The following RNF157 variants were observed in gnomAD, a reference collection of about 807,000 sequenced individuals.
The protein encoded by RNF157 is E3 ubiquitin ligase RNF157.
A neutral mutation model predicts 88.3 loss-of-function variants in RNF157; 55 were observed. The ratio of observed to expected loss-of-function variants is 0.62; its 90% CI spans 0.50 to 0.78. The LOEUF is 0.78. Ranked by LOEUF, RNF157 falls within the 30% of genes least tolerant of loss-of-function variation. The probability of loss-of-function intolerance (pLI) is 0.00; values close to 1 mark genes in which losing one functional copy is unlikely to be tolerated. For synonymous variants in RNF157, 334 were observed against 341.2 expected, an observed-to-expected ratio of 0.98 and a Z score of 0.23; for missense variants, 788 against 860.8, an observed-to-expected ratio of 0.92 and a Z score of 1.06.
intron 2 of RNF157, among the ~76,000 whole-genome samples, chr17:76,178,958 G>A (rs1054386068): frequency 6.6e-6 from 1 of 152,126 alleles, no homozygotes; most frequent in Non-Finnish European, 1.5e-5. Flanking sequence ...AAGGATTAAA[G>A]TGCTGGTTAT....
In RNF157 at chr17:76,146,307, G is replaced by A. The variant is rs917210424; in HGVS notation, c.1922-954C>T. On this transcript the variant is annotated intron_variant, in intron 18 of 18. Transcript: ENST00000269391. This position sits in a 1 kb window ranked among gnomAD's most constrained non-coding sequence, Gnocchi z 4.2. ...TGCGTACTGACCTCACGGGCTTGCT[G>A]TGAGGACTAGATGAGAGAATGCGAG... The A allele has an allele frequency of 1.0e-6, 1 of 980,946 alleles. No individual in the cohort carries two copies. The highest frequency in any genetic ancestry group is 4.7e-5 in the South Asian group (1 of 21,194). The allele number at this position is 980,946 out of a possible 1,614,324, so 60.8% of individuals were successfully genotyped here.
intron 2 of RNF157, among the ~76,000 whole-genome samples, chr17:76,187,473 G>A (rs1403409252): frequency 2.0e-5 from 3 of 152,000 alleles, no homozygotes; most frequent in East Asian, 1.9e-4. Context: ...CATGAGCCAC[G>A]GCGTCTGGCC....
intron 18 of RNF157, chr17:76,147,400 A>ACCGCCG (rs1429886573): frequency 1.1e-6 from 1 of 903,242 alleles, no homozygotes; most frequent in Non-Finnish European, 1.3e-6. Context: ...CACCACCACC[A>ACCGCCG]CCGCCGCCGC....
intron 1 of RNF157, among the ~76,000 whole-genome samples, chr17:76,231,067 T>G (rs1230609665): frequency 6.6e-6 from 1 of 151,742 alleles, no homozygotes; most frequent in African/African-American, 2.4e-5. Flanking sequence ...GCCTTCTGAG[T>G]AGCTGGGACT....
Position 76,145,211 on chromosome 17 carries a change from G to T in RNF157, c.*24C>A. On this transcript the variant is annotated 3_prime_UTR_variant, in exon 19 of 19. Coordinates refer to ENST00000269391, the MANE Select transcript of RNF157 (RefSeq NM_052916.3). Reference sequence around the variant, plus strand: ...ATGGATGGAATGCAGGGCAGGAGGGGAGCCCAAGTGCAGAGGCTGGGGCTC... The same window carrying T: ...ATGGATGGAATGCAGGGCAGGAGGGTAGCCCAAGTGCAGAGGCTGGGGCTC... 6.7e-7 allele frequency: 1 copy of T among 1,482,790 alleles called. No homozygotes were observed. Among genetic ancestry groups the T allele is most frequent in the Non-Finnish European group, 9.4e-7 (1 of 1,067,062 alleles). 91.9% of individuals were successfully genotyped at this position (1,482,790 alleles called of 1,614,324 possible). A position where few individuals can be genotyped will look rare whatever the true frequency, so the allele number is the denominator to read the frequency against.
At chr17:76,152,006 T>C (rs1211771015) in intron 18 of RNF157, among the ~76,000 whole-genome samples, 3 of 152,172 alleles carry the variant, frequency 2.0e-5, no homozygotes, top group Non-Finnish European at 4.4e-5. Flanking sequence ...AGAGAGGTGG[T>C]GTCTGTCTGC....
At chr17:76,154,381 T>C (rs2068729245) in intron 16 of RNF157, 53 bp from the exon 17 acceptor site, 3 of 1,201,238 alleles carry the variant, frequency 2.5e-6, no homozygotes, top group Non-Finnish European at 3.7e-6. Flanking sequence ...ATGAGTAAAC[T>C]GATTGGCTGA....
At chr17:76,186,909 C>T (rs1461208972) in intron 2 of RNF157, among the ~76,000 whole-genome samples, 1 of 151,554 alleles carries the variant, frequency 6.6e-6, no homozygotes, top group African/African-American at 2.4e-5. Context: ...CACTGTACTC[C>T]AGCCTGGGTG....
intron 3 of RNF157, among the ~76,000 whole-genome samples, chr17:76,168,105 TC>T (rs1346196481): frequency 6.6e-6 from 1 of 152,200 alleles, no homozygotes; most frequent in African/African-American, 2.4e-5. Context: ...CCTTACTTCT[TC>T]CCTTTCCTCG....
chr17:76,161,016 A>G lies in RNF157; in HGVS notation c.1065+519T>C. 6.6e-6 allele frequency among the ~76,000 whole-genome samples: 1 copy of G among 152,178 alleles called. No individual in the cohort carries two copies. The highest frequency in any genetic ancestry group is 6.5e-5 in the Admixed American group (1 of 15,274). On this transcript the variant is annotated intron_variant, in intron 11 of 18. Coordinates refer to ENST00000269391, the MANE Select transcript of RNF157 (RefSeq NM_052916.3). The surrounding 1 kb of genome is among the most constrained non-coding windows in gnomAD (Gnocchi z 4.6). Reference sequence around the variant, plus strand: ...CATTCACTAAATAATAATCTCTCCCAGCAGTGCGTTAGTCTAAAGAAAGAC... The same window carrying G: ...CATTCACTAAATAATAATCTCTCCCGGCAGTGCGTTAGTCTAAAGAAAGAC...
chr17:76,152,337 C>G lies in RNF157; in HGVS notation c.1921+18G>C. ...GATCGTCTCCCACCAAGTTCATGTT[C>G]AGCAGACTGACACTCACCAGGTAAG... On this transcript the variant is annotated intron_variant, in intron 18 of 18. Transcript: ENST00000269391. 1 of 1,499,430 alleles carries G rather than the reference C, an allele frequency of 6.7e-7. No individual in the cohort carries two copies. The highest frequency in any genetic ancestry group is 9.3e-7 in the Non-Finnish European group (1 of 1,075,428). The allele number at this position is 1,499,430 out of a possible 1,614,324, so 92.9% of individuals were successfully genotyped here.
chr17:76,208,698 G>A (rs117750592), intron 2 of RNF157, among the ~76,000 whole-genome samples: 2,212 of 152,084 alleles, frequency 0.015, 28 homozygotes, highest in Non-Finnish European at 0.023. Context: ...ATTTGCCAGC[G>A]CGGTGGCTCA....
chr17:76,206,299 A>G (rs1372744487), intron 2 of RNF157, among the ~76,000 whole-genome samples: 1 of 152,158 alleles, frequency 6.6e-6, no homozygotes. Context: ...CTAATAACTT[A>G]GAGTTGGGCA....
At position 76,206,873 on chromosome 17, in the gene RNF157, T is replaced by C. The variant is rs149808654; in HGVS notation, c.207+5491A>G. On this transcript the variant is annotated intron_variant, in intron 2 of 18. Transcript: ENST00000269391. ...AGGTAGCAAGTATAGCTAACATTGC[T>C]GCATGCTGCTTTTTGTCCAGCAATT... is the stretch of plus-strand genomic sequence containing the variant. Among the ~76,000 whole-genome samples, 651 of 152,152 alleles carry C rather than the reference T, an allele frequency of 4.3e-3. 2 individuals are homozygous for C. The highest frequency in any genetic ancestry group is 9.9e-3 in the South Asian group (48 of 4,832).
chr17:76,156,848 A>T (rs1297738607), intron 13 of RNF157, among the ~76,000 whole-genome samples: 2 of 152,100 alleles, frequency 1.3e-5, no homozygotes, highest in Non-Finnish European at 2.9e-5. Context: ...ATCTGGGTGC[A>T]CAGCCTCACC....
chr17:76,184,189 T>G (rs537314165), intron 2 of RNF157, among the ~76,000 whole-genome samples: 113 of 110,820 alleles, frequency 1.0e-3, no homozygotes, highest in African/African-American at 3.6e-3. Context: ...AGACTCCATC[T>G]AAAAAAAAAA....
intron 1 of RNF157, chr17:76,226,933 GAGCCTGGTGCTGCTGCCGCCGCTGCAA>G: frequency 2.7e-6 from 2 of 733,374 alleles, no homozygotes; most frequent in Non-Finnish European, 4.4e-6. Context: ...TGCCGCTGCA[GAGCCTGGTGCTGCTGCCGCCGCTGCAA>G]AGGCCAATGC....
chr17:76,212,578 T>C, intron 1 of RNF157, 96 bp from the exon 2 acceptor site: 1 of 817,278 alleles, frequency 1.2e-6, no homozygotes. Flanking sequence ...GTTAACCTTT[T>C]GGGCTGTGCG....
At chr17:76,213,924 C>G (rs565258011) in intron 1 of RNF157, among the ~76,000 whole-genome samples, 1 of 152,312 alleles carries the variant, frequency 6.6e-6, no homozygotes, top group South Asian at 2.1e-4. Flanking sequence ...GGCATAGAAG[C>G]TCTGTGCCCC....
Sources: gnomAD v4.1 joint callset for allele counts (sites outside exome capture counted in the v4.1 genomes callset) on GRCh38, gnomAD v4.1.1 for gene constraint, Gnocchi (gnomAD v3.1) non-coding constraint, MANE v1.5 for transcripts, NCBI Gene and HGNC (gene_info 2026-07-23, HGNC 2026-07-21) for gene names.